AIG1: variants seen among roughly 807,000 people sequenced by gnomAD.
The protein encoded by AIG1 is androgen-induced gene 1 protein.
Under a neutral mutation model 31.4 loss-of-function variants are expected in AIG1, and 23 were observed. The observed-to-expected ratio is 0.73, with a 90% CI of 0.53 to 1.04. The LOEUF is 1.04. Ranked by LOEUF, AIG1 falls within the 50% of genes least tolerant of loss-of-function variation. The probability of loss-of-function intolerance (pLI) is 0.00; values close to 1 mark genes in which losing one functional copy is unlikely to be tolerated. For missense variants in AIG1, 274 were observed against 295.0 expected (o/e 0.93, Z 0.52); for synonymous variants, 100 against 110.5 (o/e 0.90, Z 0.60).
chr6:143,342,462 G>A, downstream of AIG1: 1 of 776,748 alleles, frequency 1.3e-6, no homozygotes. Context: ...AAGTGGTGAA[G>A]CATACAAGAG....
chr6:143,129,632 C>T (rs746558763), intron 1 of AIG1, among the ~76,000 whole-genome samples: 35 of 152,198 alleles, frequency 2.3e-4, no homozygotes, highest in East Asian at 1.5e-3. Context: ...TTTGTTTTTT[C>T]GCTCTCCTAG....
chr6:143,331,316 C>T lies in AIG1; in HGVS notation c.516-1966C>T, dbSNP rs1777055275. ...TATACCCAAAATTTTCTCATCATCCCCCCACATAAACTCTGTTCCCGTTAA... is the reference window on the plus strand; with the variant it reads ...TATACCCAAAATTTTCTCATCATCCTCCCACATAAACTCTGTTCCCGTTAA... On this transcript the variant is annotated intron_variant, in intron 4 of 5. Transcript: ENST00000357847. This position sits in a 1 kb window ranked among gnomAD's most constrained non-coding sequence, Gnocchi z 4.1. Among the ~76,000 whole-genome samples the T allele has an allele frequency of 6.6e-6, 1 of 151,966 alleles. No individual in the cohort carries two copies. The highest frequency in any genetic ancestry group is 1.5e-5 in the Non-Finnish European group (1 of 67,988).
At chr6:143,324,589 C>T (rs1226147906) in intron 4 of AIG1, among the ~76,000 whole-genome samples, 1 of 152,220 alleles carries the variant, frequency 6.6e-6, no homozygotes, top group African/African-American at 2.4e-5. Flanking sequence ...AGATTCTCCA[C>T]TTACTTAATC....
At chr6:143,117,176 C>T (rs1781810282) in intron 1 of AIG1, among the ~76,000 whole-genome samples, 1 of 152,086 alleles carries the variant, frequency 6.6e-6, no homozygotes, top group African/African-American at 2.4e-5. Flanking sequence ...CAGCCCCAAA[C>T]CCAGGAGACC....
intron 3 of AIG1, among the ~76,000 whole-genome samples, chr6:143,238,047 T>C (rs1227100546): frequency 2.6e-5 from 4 of 152,172 alleles, no homozygotes; most frequent in Non-Finnish European, 5.9e-5. Flanking sequence ...TTCAAGCCAT[T>C]CTCCTGCATC....
chr6:143,308,786 A>G (rs1367068011), intron 4 of AIG1, among the ~76,000 whole-genome samples: 1 of 152,324 alleles, frequency 6.6e-6, no homozygotes, highest in Middle Eastern at 3.4e-3. Context: ...AACATTTATG[A>G]ATGAGTACGC....
intron 3 of AIG1, among the ~76,000 whole-genome samples, chr6:143,212,015 T>C (rs747636561): frequency 2.0e-5 from 3 of 152,196 alleles, no homozygotes; most frequent in Non-Finnish European, 2.9e-5. Context: ...TATTGACTAT[T>C]TGGGACCGGA....
intron 1 of AIG1, among the ~76,000 whole-genome samples, chr6:143,071,141 T>C (rs895651557): frequency 7.9e-5 from 12 of 152,250 alleles, no homozygotes; most frequent in Admixed American, 2.6e-4. Context: ...TTGTTCTTTC[T>C]ATGATTTTTG....
intron 4 of AIG1, among the ~76,000 whole-genome samples, chr6:143,294,320 C>T (rs770168624): frequency 6.6e-6 from 1 of 152,160 alleles, no homozygotes; most frequent in Non-Finnish European, 1.5e-5. Flanking sequence ...CTACTCACAG[C>T]TGAGTGCCTT....
intron 1 of AIG1, among the ~76,000 whole-genome samples, chr6:143,065,730 T>C (rs926078964): frequency 2.0e-5 from 3 of 152,232 alleles, no homozygotes; most frequent in Admixed American, 2.0e-4. Flanking sequence ...TTCAAAATGA[T>C]AGGAATTTAA....
At chr6:143,204,307 T>C (rs1482895004) in intron 3 of AIG1, among the ~76,000 whole-genome samples, 1 of 152,088 alleles carries the variant, frequency 6.6e-6, no homozygotes, top group African/African-American at 2.4e-5. Context: ...GTGCCCTTGG[T>C]GGGAATGGCT....
At chr6:143,084,571 T>C (rs1341596004) in intron 1 of AIG1, among the ~76,000 whole-genome samples, 3 of 152,174 alleles carry the variant, frequency 2.0e-5, no homozygotes, top group Admixed American at 2.0e-4. Flanking sequence ...TAAGCTTTGC[T>C]CCAGGCCTAA....
intron 3 of AIG1, among the ~76,000 whole-genome samples, chr6:143,206,082 A>G (rs1468700397): frequency 6.6e-6 from 1 of 152,140 alleles, no homozygotes; most frequent in African/African-American, 2.4e-5. Flanking sequence ...TTAAGTTTCC[A>G]CTTGCTCCAG....
intron 1 of AIG1, among the ~76,000 whole-genome samples, chr6:143,112,030 A>G (rs1322268729): frequency 1.3e-5 from 2 of 152,158 alleles, no homozygotes; most frequent in African/African-American, 4.8e-5. Flanking sequence ...CTACTTCTCT[A>G]TTTAAAACTC....
At chr6:143,147,497 A>G (rs1457197918) in intron 2 of AIG1, among the ~76,000 whole-genome samples, 1 of 152,018 alleles carries the variant, frequency 6.6e-6, no homozygotes, top group Admixed American at 6.6e-5. Flanking sequence ...CGCACACATA[A>G]CTCAAAAGAA....
chr6:143,149,957 G>C (rs1020666566), intron 2 of AIG1, among the ~76,000 whole-genome samples: 1 of 152,156 alleles, frequency 6.6e-6, no homozygotes, highest in African/African-American at 2.4e-5. Context: ...ATGGTTTGTA[G>C]CTACACAACT....
chr6:143,169,520 A>G (rs1232460517), intron 3 of AIG1, among the ~76,000 whole-genome samples: 1 of 152,234 alleles, frequency 6.6e-6, no homozygotes, highest in Non-Finnish European at 1.5e-5. Context: ...TTCATTCTGT[A>G]TTGCTATAGA....
chr6:143,119,737 C>A (rs1782082705), intron 1 of AIG1, among the ~76,000 whole-genome samples: 1 of 152,122 alleles, frequency 6.6e-6, no homozygotes. Flanking sequence ...CTATTTAGTG[C>A]ACTGATTGGG....
chr6:143,276,053 C>T (rs896604155), intron 3 of AIG1, among the ~76,000 whole-genome samples: 2 of 152,156 alleles, frequency 1.3e-5, no homozygotes, highest in African/African-American at 4.8e-5. Flanking sequence ...GGCCCCTTAG[C>T]ACCTCCTGGG....
Sources: gnomAD v4.1 joint callset for allele counts (sites outside exome capture counted in the v4.1 genomes callset) on GRCh38, gnomAD v4.1.1 for gene constraint, Gnocchi (gnomAD v3.1) non-coding constraint, MANE v1.5 for transcripts, NCBI Gene and HGNC (gene_info 2026-07-23, HGNC 2026-07-21) for gene names.